The following HR variants were observed in gnomAD, a reference collection of about 807,000 sequenced individuals.
HR encodes the protein lysine-specific demethylase hairless.
HR carries 83 observed loss-of-function variants against 128.6 expected under a neutral mutation model. That is an observed-to-expected ratio of 0.65 (90% CI 0.54 to 0.77). HR has a LOEUF of 0.77. HR is among the 30% of genes least tolerant of loss of function. The probability of loss-of-function intolerance (pLI) is 0.00; values close to 1 mark genes in which losing one functional copy is unlikely to be tolerated. For synonymous variants in HR, 681 were observed against 658.2 expected (o/e 1.03, Z -0.53); for missense variants, 1,490 against 1,574.6 (o/e 0.95, Z 0.91).
Position 22,127,202 on chromosome 8 carries a change from C to A in HR, c.1240G>T (p.Ala414Ser), listed in dbSNP as rs1270223175. The A allele has an allele frequency of 1.2e-6, 2 of 1,613,030 alleles. No individual in the cohort carries two copies. Among genetic ancestry groups the A allele is most frequent in the Non-Finnish European group, 1.7e-6 (2 of 1,180,008 alleles). Reference protein sequence around the residue: ...PVARLRALKRAGSPEVQGAMG... With the variant: ...PVARLRALKRSGSPEVQGAMG... ...GCTCCCTGGACCTCGGGGCTGCCTG[C>A]CCTTTTGAGGGCCCGGAGCCGAGCA... Residue 414 changes from alanine (A) to serine (S), a missense_variant, in exon 3 of 19, where the codon GCA becomes TCA. By Grantham distance (99) the Ala-to-Ser change is moderately conservative (BLOSUM62 1). This residue lies in a region of HR where 1,060 missense variants were observed against 1,060.9 expected (regional missense o/e 1.00). Transcript: ENST00000381418.
intron 14 of HR, 98 bp from the exon 15 acceptor site, chr8:22,119,381 G>A: frequency 3.6e-5 from 56 of 1,541,504 alleles, no homozygotes; most frequent in Non-Finnish European, 4.9e-5. Context: ...GGCCCAGGCG[G>A]GCAGATCACC....
At chr8:22,123,617 T>TAACC in intron 6 of HR, 32 bp downstream of exon 6, 1 of 292,092 alleles carries the variant, frequency 3.4e-6, no homozygotes, top group South Asian at 3.0e-5. Flanking sequence ...GAGGGCTCCA[T>TAACC]CCCGCCCTCC....
Position 22,127,776 on chromosome 8 carries a change from T to C in HR, c.666A>G (p.Ala222=), listed in dbSNP as rs1826939232. The C allele has an allele frequency of 6.3e-7, 1 of 1,599,892 alleles. No individual in the cohort carries two copies. The highest frequency in any genetic ancestry group is 8.5e-7 in the Non-Finnish European group (1 of 1,179,976). ...AGCCAAACAACCCAGGTTCCGCAGC[T>C]GCCAAGGGCTCCTTTGCCAACCTGG... is the stretch of plus-strand genomic sequence containing the variant. ...SIPRLAKEPL[A]AAEPGLFGLN... Residue 222 remains alanine, a synonymous_variant, in exon 3 of 19, where the codon GCA becomes GCG. Coordinates refer to ENST00000381418, the MANE Select transcript of HR (RefSeq NM_005144.5).
At position 22,119,268 on chromosome 8, in the gene HR, C is replaced by T. The variant is rs138875411; in HGVS notation, c.2993G>A (p.Arg998Gln). The T allele has an allele frequency of 2.0e-4, 330 of 1,613,640 alleles. No homozygotes were observed. The highest frequency in any genetic ancestry group is 3.3e-4 in the Middle Eastern group (2 of 6,062). ...GAGGTTCTTGGTCCCCAGGTGTCCCCGGTGCGGGCTCACACCTGCATGGCA... is the reference window on the plus strand; with the variant it reads ...GAGGTTCTTGGTCCCCAGGTGTCCCTGGTGCGGGCTCACACCTGCATGGCA... ...LWAAYGVSPHRGHLGTKNLCV... is the reference protein window; with the variant it reads ...LWAAYGVSPHQGHLGTKNLCV... Residue 998 changes from arginine to glutamine, a missense_variant, in exon 15 of 19, where the codon CGG becomes CAG. Physicochemically the swap from Arg to Gln is conservative, Grantham distance 43. Coordinates refer to ENST00000381418, the MANE Select transcript of HR (RefSeq NM_005144.5).
rs924981949 is a variant in HR, at chr8:22,122,988, C to T, written c.1916-109G>A. On this transcript the variant is annotated intron_variant, in intron 6 of 18. Coordinates refer to ENST00000381418, the MANE Select transcript of HR (RefSeq NM_005144.5). ...CTAAACCAGGGGACTCAATAGTCCA[C>T]AAAACTCGTGCTTTCTGGGAAACCT... 9.6e-6 allele frequency: 10 copies of T among 1,043,574 alleles called. No homozygotes were observed. The African/African-American group carries it at 1.1e-4, about 12-fold the overall frequency. The allele number at this position is 1,043,574 out of a possible 1,614,324, so 64.6% of individuals were successfully genotyped here. A position where few individuals can be genotyped will look rare whatever the true frequency, so the allele number is the denominator to read the frequency against.
rs1265274446 is a variant in HR at position 22,127,419 on chromosome 8, A to C, written c.1023T>G (p.Cys341Trp). 1.8e-5 allele frequency: 29 copies of C among 1,612,852 alleles called. No individual in the cohort carries two copies. Among genetic ancestry groups the C allele is most frequent in the Non-Finnish European group, 2.2e-5 (26 of 1,179,728 alleles). Residue 341 changes from cysteine (C) to tryptophan (W), a missense_variant, in exon 3 of 19, where the codon TGT (cysteine) becomes TGG (tryptophan). This residue lies in a region of HR where 1,060 missense variants were observed against 1,060.9 expected (regional missense o/e 1.00). Coordinates refer to ENST00000381418, the MANE Select transcript of HR (RefSeq NM_005144.5). Reference sequence around the variant, plus strand: ...CCTCCAGGCCCTCCTGGCACTTCCCACAAGGGCCAAGACCCCCACCTTTAG... The same window carrying C: ...CCTCCAGGCCCTCCTGGCACTTCCCCCAAGGGCCAAGACCCCCACCTTTAG... ...PPTKGGGLGP[C>W]GKCQEGLEGG...
intron 12 of HR, 28 bp from the exon 13 acceptor site, chr8:22,120,201 GCCT>G: frequency 1.3e-6 from 2 of 1,592,756 alleles, no homozygotes; most frequent in Non-Finnish European, 1.7e-6. Context: ...ACGGCCATTG[GCCT>G]CCTCAGCCCT....
chr8:22,123,543 TGGGTAGG>T (rs1563180322), intron 6 of HR, 99 bp downstream of exon 6: 9 of 1,126,180 alleles, frequency 8.0e-6, no homozygotes, highest in Non-Finnish European at 1.1e-5. Flanking sequence ...GGCTGTGCAG[TGGGTAGG>T]GGGCTTTTTG....
Position 22,120,361 on chromosome 8 carries a change from C to A in HR, c.2757G>T (p.Glu919Asp). The A allele has an allele frequency of 6.2e-7, 1 of 1,613,856 alleles. No homozygotes were observed. Among genetic ancestry groups the A allele is most frequent in the Non-Finnish European group, 8.5e-7 (1 of 1,180,012 alleles). ...ACTTACGCTCAGGCCAGGAGAAGCC[C>A]TCCCAGAATGTTGTGCTGCCCAGGC... Reference protein sequence around the residue: ...PSSLGSTTFWEGFSWPELRPK... With the variant: ...PSSLGSTTFWDGFSWPELRPK... The change falls in exon 12 of 19, where the codon GAG becomes GAT. Residue 919 changes from glutamate (E) to aspartate (D), a missense_variant. Transcript: ENST00000381418.
rs1473174257 is a variant in HR at position 22,122,852 on chromosome 8, C to T, written c.1943G>A (p.Cys648Tyr). ...AGFQEQSAEE[C>Y]TQEAGHAACS... ...GGCAGCGTGCCCGGCCTCCTGCGTG[C>T]ACTCCTCCGCGGACTGCTCCTGAAA... Residue 648 changes from cysteine to tyrosine, a missense_variant, in exon 7 of 19, where the codon TGC becomes TAC. Transcript: ENST00000381418. 1 of 1,554,882 alleles carries T rather than the reference C, an allele frequency of 6.4e-7. No homozygotes were observed. The highest frequency in any genetic ancestry group is 1.2e-5 in the South Asian group (1 of 84,224).
In HR at chr8:22,128,769, G is replaced by T; in HGVS notation, c.402C>A (p.Asp134Glu). 6.2e-7 allele frequency: 1 copy of T among 1,608,636 alleles called. No homozygotes were observed. The highest frequency in any genetic ancestry group is 8.5e-7 in the Non-Finnish European group (1 of 1,177,994). The change falls in exon 2 of 19, where the codon GAC becomes GAA. Residue 134 changes from aspartate (D) to glutamate (E), a missense_variant. By Grantham distance (45) the Asp-to-Glu change is conservative. Transcript: ENST00000381418. ...AGTGCCAGGGCCGGAAGGCCACAGG[G>T]TCACTCTTGAGATGGCCACCACTAT... Reference protein sequence around the residue: ...PEHSGGHLKSDPVAFRPWHCP... With the variant: ...PEHSGGHLKSEPVAFRPWHCP...
chr8:22,120,264 C>G, intron 12 of HR, 78 bp downstream of exon 12: 1 of 1,610,466 alleles, frequency 6.2e-7, no homozygotes. Context: ...CCCTCGGGGT[C>G]ACCCTGGGAC....
chr8:22,128,451 A>G, intron 2 of HR, 108 bp downstream of exon 2: 1 of 1,469,198 alleles, frequency 6.8e-7, no homozygotes, highest in Non-Finnish European at 9.3e-7. Context: ...AGACCCCTCT[A>G]CCTCGGTGCT....
rs1479761713 is a variant in HR, at chr8:22,125,637, C to T, written c.1501G>A (p.Ala501Thr). The T allele has an allele frequency of 2.5e-6, 4 of 1,611,454 alleles. No homozygotes were observed. The highest frequency in any genetic ancestry group is 1.7e-4 in the Middle Eastern group (1 of 6,052). The stretch of plus-strand genomic sequence containing the variant: ...CCTCCTCCCTCTCCAGCTGCCTGGG[C>T]ACAACTTTGGCATTGAGCCAGTTTT... ...PAKLAQCQSC[A>T]QAAGEGGGHA... is the part of the protein sequence containing the mutation. The change falls in exon 4 of 19, where the codon GCC (alanine) becomes ACC (threonine). Residue 501 changes from alanine (A) to threonine (T), a missense_variant. By Grantham distance (58) the Ala-to-Thr change is moderately conservative. This residue lies in a region of HR where 1,060 missense variants were observed against 1,060.9 expected (regional missense o/e 1.00). Coordinates refer to ENST00000381418, the MANE Select transcript of HR (RefSeq NM_005144.5).
At position 22,115,733 on chromosome 8, in the gene HR, C is replaced by G. The variant is rs779312247; in HGVS notation, c.3537G>C (p.Lys1179Asn). The G allele has an allele frequency of 6.2e-7, 1 of 1,613,932 alleles. No homozygotes were observed. Among genetic ancestry groups the G allele is most frequent in the African/African-American group, 1.3e-5 (1 of 74,886 alleles). ...QMDWAVFQAV[K>N]VAVGTLQEAK ...CCTCCTGTAATGTCCCCACGGCCAC[C>G]TTCACTGCTTGGAACACAGCCCAGT... Residue 1179 changes from lysine to asparagine, a missense_variant, in exon 19 of 19, where the codon AAG becomes AAC. Physicochemically the swap from Lys to Asn is moderately conservative, Grantham distance 94. Around this residue, in one of 3 missense-constraint regions of HR, gnomAD observed 423 missense variants for 495.9 expected, o/e 0.85. Coordinates refer to ENST00000381418, the MANE Select transcript of HR (RefSeq NM_005144.5).
At chr8:22,118,117 C>T (rs1586370112) in intron 16 of HR, 1 of 152,448 alleles carries the variant, frequency 6.6e-6, no homozygotes, top group Non-Finnish European at 1.5e-5. Context: ...TGTATCTACA[C>T]ATGTGTGTAC....
chr8:22,119,473 G>A (rs888596308), intron 14 of HR, among the ~76,000 whole-genome samples, 190 bp from the exon 15 acceptor site: 1 of 152,178 alleles, frequency 6.6e-6, no homozygotes, highest in Admixed American at 6.5e-5. Flanking sequence ...CGGGCGTGGT[G>A]GTGCATGCCT....
intron 2 of HR, 81 bp downstream of exon 2, chr8:22,128,477 CA>C: frequency 1.3e-6 from 2 of 1,574,260 alleles, no homozygotes; most frequent in South Asian, 2.3e-5. Context: ...CTCTTTTCAT[CA>C]CAGTGGAAGG....
Position 22,128,547 on chromosome 8 carries a change from C to A in HR, c.612+12G>T. On this transcript the variant is annotated intron_variant, in intron 2 of 18. Coordinates refer to ENST00000381418, the MANE Select transcript of HR (RefSeq NM_005144.5). ...CCAGAGCCACAGGTACCCTCTCTGC[C>A]CCTGCACTCACCTTGCTGCCTAAGC... 6.2e-7 allele frequency: 1 copy of A among 1,611,642 alleles called. No individual in the cohort carries two copies. Among genetic ancestry groups the A allele is most frequent in the South Asian group, 1.1e-5 (1 of 90,494 alleles).
Sources: allele counts gnomAD v4.1 joint callset (sites outside exome capture counted in the v4.1 genomes callset), GRCh38; gene constraint gnomAD v4.1.1; regional missense constraint gnomAD v4.1.1; transcripts MANE v1.5; gene names NCBI Gene and HGNC (gene_info 2026-07-23, HGNC 2026-07-21).